The following DIS3L2 variants were observed in gnomAD, a reference collection of about 807,000 sequenced individuals.
DIS3L2 encodes DIS3 like 3'-5' exoribonuclease 2, also known as DIS3-like exonuclease 2.
DIS3L2 carries 34 observed loss-of-function variants against 97.5 expected under a neutral mutation model. That is an observed-to-expected ratio of 0.35 (90% CI 0.27 to 0.46). The LOEUF is 0.46. Among genes scored for constraint, DIS3L2 ranks in the 20% least tolerant of loss-of-function variants. The probability of loss-of-function intolerance (pLI) is 1.00; values close to 1 mark genes in which losing one functional copy is unlikely to be tolerated. For missense variants in DIS3L2, 1,038 were observed against 1,146.0 expected (o/e 0.91, Z 1.36); for synonymous variants, 435 against 445.2 (o/e 0.98, Z 0.29).
At position 232,122,145 on chromosome 2, in the gene DIS3L2, TA is replaced by T. The variant is rs1574891712; in HGVS notation, c.602-8473del. Among the ~76,000 whole-genome samples, 3 of 152,318 alleles carry T rather than the reference TA, an allele frequency of 2.0e-5. No individual in the cohort carries two copies. In the East Asian group the frequency reaches 5.8e-4, roughly 29 times the overall value. Reference sequence around the variant, plus strand: ...AACTGGCCTCTGCCTATCTATGTAGTACCTTCTCTTGTTCCTCCTTACTCTG... The same window carrying T: ...AACTGGCCTCTGCCTATCTATGTAGTCCTTCTCTTGTTCCTCCTTACTCTG... On this transcript the variant is annotated intron_variant, in intron 6 of 20. Coordinates refer to ENST00000325385, the MANE Select transcript of DIS3L2 (RefSeq NM_152383.5).
intron 5 of DIS3L2, among the ~76,000 whole-genome samples, chr2:232,075,355 C>G (rs545224455): frequency 2.0e-5 from 3 of 152,192 alleles, no homozygotes; most frequent in African/African-American, 7.2e-5. Flanking sequence ...TGTGAAGATT[C>G]ATAATAAAAA....
intron 1 of DIS3L2, among the ~76,000 whole-genome samples, chr2:232,007,714 C>T (rs1302830781): frequency 6.6e-6 from 1 of 152,046 alleles, no homozygotes; most frequent in Non-Finnish European, 1.5e-5. Flanking sequence ...TGAGAAATTC[C>T]TATAGAAATG....
chr2:232,020,912 G>A (rs912029497), intron 3 of DIS3L2, among the ~76,000 whole-genome samples: 1 of 152,112 alleles, frequency 6.6e-6, no homozygotes, highest in African/African-American at 2.4e-5. Context: ...TAAGAGGAGC[G>A]TCTGTTATTC....
chr2:232,068,755 A>T (rs867336413), intron 5 of DIS3L2, among the ~76,000 whole-genome samples: 6 of 151,854 alleles, frequency 4.0e-5, no homozygotes, highest in South Asian at 2.1e-4. Flanking sequence ...TTGTCCTGAA[A>T]TTTTTTTTAT....
Position 232,055,213 on chromosome 2 carries a change from C to T in DIS3L2, c.366+25133C>T, listed in dbSNP as rs560709645. Among the ~76,000 whole-genome samples the T allele has an allele frequency of 2.6e-5, 4 of 152,234 alleles. No homozygotes were observed. In the South Asian group the frequency reaches 8.3e-4, roughly 32 times the overall value. On this transcript the variant is annotated intron_variant, in intron 5 of 20. Coordinates refer to ENST00000325385, the MANE Select transcript of DIS3L2 (RefSeq NM_152383.5). ...GATGCTCACTATCATTACTTTTATT[C>T]CATGTTATATCGTAGACTGTAGTTA...
At chr2:232,326,379 TCTGGCTG>T (rs1695575291) in intron 14 of DIS3L2, among the ~76,000 whole-genome samples, 1 of 147,048 alleles carries the variant, frequency 6.8e-6, no homozygotes, top group African/African-American at 2.5e-5. Flanking sequence ...TCGGTGCAAC[TCTGGCTG>T]CTGGCAGCTG....
chr2:232,296,837 A>T (rs1171000089), intron 13 of DIS3L2, among the ~76,000 whole-genome samples: 2 of 152,300 alleles, frequency 1.3e-5, no homozygotes, highest in East Asian at 3.9e-4. Flanking sequence ...TTTAGTAAAC[A>T]TGACTGCTCT....
chr2:232,136,057 G>A (rs1698349998), intron 7 of DIS3L2, among the ~76,000 whole-genome samples: 1 of 152,160 alleles, frequency 6.6e-6, no homozygotes, highest in South Asian at 2.1e-4. Context: ...ATTAAGAGAA[G>A]TAATTTATGT....
At chr2:232,165,552 TCTCA>T (rs1690778357) in intron 9 of DIS3L2, among the ~76,000 whole-genome samples, 1 of 152,222 alleles carries the variant, frequency 6.6e-6, no homozygotes, top group Non-Finnish European at 1.5e-5. Flanking sequence ...TAAGACAGCA[TCTCA>T]CTCTGTTGCC....
intron 6 of DIS3L2, among the ~76,000 whole-genome samples, chr2:232,093,902 G>C (rs1423289643): frequency 6.6e-6 from 1 of 151,876 alleles, no homozygotes; most frequent in Non-Finnish European, 1.5e-5. Context: ...CTAATTTTGG[G>C]TTTGGTTTGC....
chr2:232,332,549 G>A (rs1162657909), intron 16 of DIS3L2, among the ~76,000 whole-genome samples: 5 of 151,038 alleles, frequency 3.3e-5, no homozygotes, highest in East Asian at 1.9e-4. Flanking sequence ...CTGAAAGCTC[G>A]GGGACTGCAG....
intron 5 of DIS3L2, among the ~76,000 whole-genome samples, chr2:232,058,042 T>C (rs1461050854): frequency 6.6e-6 from 1 of 152,216 alleles, no homozygotes; most frequent in African/African-American, 2.4e-5. Flanking sequence ...CAAATAGTTA[T>C]GTTGTAATTG....
intron 8 of DIS3L2, among the ~76,000 whole-genome samples, chr2:232,157,545 T>C (rs139386843): frequency 2.6e-5 from 4 of 152,216 alleles, no homozygotes; most frequent in Non-Finnish European, 5.9e-5. Context: ...AGATATTTCG[T>C]AAATCTGAGG....
At chr2:232,159,200 C>A (rs1420044359) in intron 8 of DIS3L2, among the ~76,000 whole-genome samples, 1 of 152,202 alleles carries the variant, frequency 6.6e-6, no homozygotes, top group Non-Finnish European at 1.5e-5. Flanking sequence ...GGGATGTGAA[C>A]TAAGGCAGCT....
chr2:232,005,416 C>T (rs999765635), intron 1 of DIS3L2, among the ~76,000 whole-genome samples: 1 of 152,138 alleles, frequency 6.6e-6, no homozygotes, highest in African/African-American at 2.4e-5. Flanking sequence ...CAGCTCTCTC[C>T]TCTTTTAGAT....
intron 9 of DIS3L2, among the ~76,000 whole-genome samples, chr2:232,190,908 A>C (rs1174894195): frequency 2.0e-5 from 3 of 152,194 alleles, no homozygotes; most frequent in Non-Finnish European, 4.4e-5. Context: ...ACAAAGGCAA[A>C]GTTGGTGACA....
chr2:231,987,206 C>T (rs779511255), intron 1 of DIS3L2, among the ~76,000 whole-genome samples: 1 of 152,194 alleles, frequency 6.6e-6, no homozygotes, highest in Non-Finnish European at 1.5e-5. Context: ...AAGAGCTCCA[C>T]TATCCCTGGA....
At chr2:232,329,788 C>CGGGGGGGG in intron 14 of DIS3L2, 25 bp from the exon 15 acceptor site, 172 of 1,080,496 alleles carry the variant, frequency 1.6e-4, no homozygotes, top group Non-Finnish European at 1.9e-4. Context: ...CCAGCGGTCC[C>CGGGGGGGG]TCCCATCCCA....
At chr2:232,034,204 G>A (rs1047021284) in intron 5 of DIS3L2, among the ~76,000 whole-genome samples, 2 of 151,888 alleles carry the variant, frequency 1.3e-5, no homozygotes, top group African/African-American at 2.4e-5. Flanking sequence ...TTGGGAGGGT[G>A]TTTGGGAAGA....
Sources: allele counts gnomAD v4.1 joint callset (sites outside exome capture counted in the v4.1 genomes callset), GRCh38; gene constraint gnomAD v4.1.1; transcripts MANE v1.5; gene names NCBI Gene and HGNC (gene_info 2026-07-23, HGNC 2026-07-21).